The following COL6A1 variants were observed in gnomAD, a reference collection of about 807,000 sequenced individuals.
COL6A1 encodes collagen alpha-1(VI) chain.
Under a neutral mutation model 145.6 loss-of-function variants are expected in COL6A1, and 80 were observed. That is an observed-to-expected ratio of 0.55 (90% CI 0.46 to 0.66). The LOEUF is 0.66. COL6A1 is among the 30% of genes least tolerant of loss of function. The pLI is 0.00. For synonymous variants in COL6A1, 638 were observed against 622.8 expected (o/e 1.02, Z -0.36); for missense variants, 1,364 against 1,473.8 (o/e 0.93, Z 1.22).
At chr21:45,992,530 C>G in intron 18 of COL6A1, 132 bp downstream of exon 18, 1 of 1,192,944 alleles carries the variant, frequency 8.4e-7, no homozygotes, top group Non-Finnish European at 1.2e-6. Context: ...GTTTCTTCAC[C>G]CACACGTCCA....
rs146010507 is a variant in COL6A1 at position 46,001,054 on chromosome 21, G to T, written c.1823-199G>T. ...CCCCACCCTAGCCTGGCTGAGCAAC[G>T]CCAGCCCTGACCAGCCGCCGGACAG... On this transcript the variant is annotated intron_variant, in intron 29 of 34. Transcript: ENST00000361866. The T allele has an allele frequency of 8.4e-3, 6,632 of 788,754 alleles. 242 individuals carry two copies. The African/African-American group carries it at 0.092, about 11-fold the overall frequency. 48.9% of individuals were successfully genotyped at this position (788,754 alleles called of 1,614,324 possible). A position where few individuals can be genotyped will look rare whatever the true frequency, so the allele number is the denominator to read the frequency against.
rs1603593300 is a variant in COL6A1, at chr21:45,998,904, A to G, written c.1619A>G (p.Lys540Arg). 1 of 1,555,338 alleles carries G rather than the reference A, an allele frequency of 6.4e-7. No homozygotes were observed. The highest frequency in any genetic ancestry group is 8.7e-7 in the Non-Finnish European group (1 of 1,148,892). Reference protein sequence around the residue: ...NRGAPGINGTKGYPGLKGDEG... With the variant: ...NRGAPGINGTRGYPGLKGDEG... The stretch of plus-strand genomic sequence containing the variant: ...GCTCTCCCGTCACTGCAGGGCACGA[A>G]GGGCTACCCCGGCCTCAAGGGGGAC... The change falls in exon 25 of 35, where the codon AAG becomes AGG. Residue 540 changes from lysine (K) to arginine (R), a missense_variant. Coordinates refer to ENST00000361866, the MANE Select transcript of COL6A1 (RefSeq NM_001848.3).
Position 46,000,775 on chromosome 21 carries a change from C to T in COL6A1, c.1822+8C>T, listed in dbSNP as rs1317540455. The stretch of plus-strand genomic sequence containing the variant: ...TCTCCTCAGCTTGCTGTGGTGAGAC[C>T]CAGGCTCTAGCTCCTGAGAGAATGG... On this transcript the variant is annotated splice_region_variant and intron_variant, in intron 29 of 34. Transcript: ENST00000361866. 6.2e-7 allele frequency: 1 copy of T among 1,613,886 alleles called. No homozygotes were observed. The highest frequency in any genetic ancestry group is 1.7e-5 in the Admixed American group (1 of 60,024).
intron 20 of COL6A1, among the ~76,000 whole-genome samples, chr21:45,995,670 G>A (rs538837465): frequency 5.9e-5 from 9 of 152,372 alleles, no homozygotes; most frequent in African/African-American, 2.2e-4. Context: ...GGGCCTCCAG[G>A]GCTGTGGGGC....
chr21:45,991,135 C>T, intron 15 of COL6A1, 94 bp downstream of exon 15: 1 of 1,401,858 alleles, frequency 7.1e-7, no homozygotes, highest in Non-Finnish European at 1.0e-6. Flanking sequence ...CTGGTCCGAG[C>T]ATGTCGGCCA....
Position 46,002,378 on chromosome 21 carries a change from G to C in COL6A1, c.2227G>C (p.Val743Leu), listed in dbSNP as rs760236532. 3.8e-6 allele frequency: 6 copies of C among 1,597,148 alleles called. No individual in the cohort carries two copies. The East Asian group carries it at 1.1e-4, about 30-fold the overall frequency. ...DTQRDTTPLN[V>L]LCSPGIQVVS... ...TCAGAGGGACACCACACCGCTCAAC[G>C]TGCTCTGCAGCCCCGGCATCCAGGT... Residue 743 changes from valine to leucine, a missense_variant, in exon 32 of 35, where the codon GTG becomes CTG. Around this residue, in one of 3 missense-constraint regions of COL6A1, gnomAD observed 938 missense variants for 1,003.8 expected, o/e 0.93. Transcript: ENST00000361866.
intron 11 of COL6A1, 118 bp downstream of exon 11, chr21:45,989,896 C>A (rs1015943100): frequency 9.1e-6 from 12 of 1,316,052 alleles, no homozygotes; most frequent in Non-Finnish European, 1.3e-5. Flanking sequence ...TCCTGCAGAC[C>A]CGCTCCACCG....
chr21:45,992,415 C>T lies in COL6A1; in HGVS notation c.1272+17C>T. ...GGGGAGCGGGTGAGTGGGGCAGGGG[C>T]AGCCTGCGCTGTTGGCCTCACCATG... On this transcript the variant is annotated intron_variant, in intron 18 of 34. Coordinates refer to ENST00000361866, the MANE Select transcript of COL6A1 (RefSeq NM_001848.3). 6.2e-7 allele frequency: 1 copy of T among 1,611,392 alleles called. No individual in the cohort carries two copies. Among genetic ancestry groups the T allele is most frequent in the Non-Finnish European group, 8.5e-7 (1 of 1,179,204 alleles).
At position 45,989,188 on chromosome 21, in the gene COL6A1, C is replaced by T. The variant is rs529738900; in HGVS notation, c.858+51C>T. The T allele has an allele frequency of 1.6e-5, 25 of 1,552,490 alleles. 1 individual carries two copies. Among genetic ancestry groups the T allele is most frequent in the South Asian group, 6.0e-5 (5 of 82,952 alleles). On this transcript the variant is annotated intron_variant, in intron 9 of 34. Coordinates refer to ENST00000361866, the MANE Select transcript of COL6A1 (RefSeq NM_001848.3). ...GCCCTAAGAAGCTGGAGGCGGGGAA[C>T]GACTAGGCCTCGGAAACTTCCGGAA... is the stretch of plus-strand genomic sequence containing the variant.
Position 45,982,726 on chromosome 21 carries a change from T to A in COL6A1, c.190T>A (p.Ser64Thr). 3 of 1,612,678 alleles carry A rather than the reference T, an allele frequency of 1.9e-6. No individual in the cohort carries two copies. The highest frequency in any genetic ancestry group is 1.7e-6 in the Non-Finnish European group (2 of 1,179,956). ...PYGALVDKVK[S>T]FTKRFIDNLR... ...CGGGGCCCTCGTGGACAAAGTCAAG[T>A]CCTTCACCAAGCGCTTCATCGACAA... Residue 64 changes from serine to threonine, a missense_variant, in exon 2 of 35, where the codon TCC becomes ACC. Transcript: ENST00000361866.
At chr21:45,997,844 C>A in intron 22 of COL6A1, 82 bp downstream of exon 22, 2 of 1,447,418 alleles carry the variant, frequency 1.4e-6, no homozygotes, top group Non-Finnish European at 9.4e-7. Flanking sequence ...CACTGTGGAG[C>A]TGCCTGGGGT....
chr21:45,997,390 G>A (rs763599027), intron 20 of COL6A1, 31 bp from the exon 21 acceptor site: 10 of 1,608,014 alleles, frequency 6.2e-6, no homozygotes, highest in African/African-American at 2.7e-5. Flanking sequence ...TGAGGCCTGT[G>A]GTCCAACGTG....
intron 31 of COL6A1, 28 bp downstream of exon 31, chr21:46,002,098 C>T (rs1437049801): frequency 4.4e-6 from 7 of 1,596,302 alleles, no homozygotes; most frequent in Non-Finnish European, 6.0e-6. Context: ...CCAGGACCCT[C>T]CCACCCCTCG....
intron 3 of COL6A1, among the ~76,000 whole-genome samples, chr21:45,985,177 CAG>C (rs906540334): frequency 4.5e-4 from 20 of 44,564 alleles, no homozygotes; most frequent in East Asian, 3.0e-3. Context: ...CATACAGAGA[CAG>C]AGAGACAGAG....
chr21:46,001,130 CG>C (rs1444503968), intron 29 of COL6A1, 122 bp from the exon 30 acceptor site: 13 of 1,370,548 alleles, frequency 9.5e-6, no homozygotes, highest in East Asian at 2.4e-5. Context: ...GGGGCTGAGA[CG>C]GGGGGACCCC....
intron 19 of COL6A1, among the ~76,000 whole-genome samples, chr21:45,993,361 C>T (rs981277826): frequency 5.9e-5 from 9 of 152,194 alleles, no homozygotes; most frequent in Admixed American, 2.0e-4. Context: ...GAAATCTGTG[C>T]TGGATGTGGG....
chr21:45,999,170 C>T lies in COL6A1; in HGVS notation c.1692C>T (p.Pro564=), dbSNP rs1234238075. The T allele has an allele frequency of 2.5e-6, 4 of 1,601,990 alleles. No homozygotes were observed. The highest frequency in any genetic ancestry group is 3.4e-6 in the Non-Finnish European group (4 of 1,175,218). The change falls in exon 26 of 35, where the codon CCC becomes CCT. Residue 564 remains proline, a synonymous_variant. Coordinates refer to ENST00000361866, the MANE Select transcript of COL6A1 (RefSeq NM_001848.3). Reference sequence around the variant, plus strand: ...CCTTCTAGAACAACGACATTGCACCCCGAGGAGTCAAAGGAGCAAAGGGGT... The same window carrying T: ...CCTTCTAGAACAACGACATTGCACCTCGAGGAGTCAAAGGAGCAAAGGGGT... ...DPGDDNNDIA[P]RGVKGAKGYR...
At chr21:45,996,863 G>A (rs549161590) in intron 20 of COL6A1, among the ~76,000 whole-genome samples, 1 of 152,212 alleles carries the variant, frequency 6.6e-6, no homozygotes, top group African/African-American at 2.4e-5. Context: ...AAGTCCAGCA[G>A]GCAGCCTCAG....
At chr21:46,001,532 G>A (rs2077845270) in intron 30 of COL6A1, 146 bp downstream of exon 30, 9 of 1,141,238 alleles carry the variant, frequency 7.9e-6, no homozygotes, top group East Asian at 7.4e-5. Context: ...CCAGGCACGC[G>A]CCAGCCCGTC....
Sources: allele counts gnomAD v4.1 joint callset (sites outside exome capture counted in the v4.1 genomes callset), GRCh38; gene constraint gnomAD v4.1.1; regional missense constraint gnomAD v4.1.1; transcripts MANE v1.5; gene names NCBI Gene and HGNC (gene_info 2026-07-23, HGNC 2026-07-21).